The following CCDC88A variants were observed in gnomAD, a reference collection of about 807,000 sequenced individuals.
CCDC88A encodes the protein coiled-coil and HOOK domain protein 88A.
Under a neutral mutation model 234.3 loss-of-function variants are expected in CCDC88A, and 54 were observed. The ratio of observed to expected loss-of-function variants is 0.23; its 90% CI spans 0.19 to 0.29. The LOEUF (loss-of-function observed/expected upper bound fraction) is 0.29. Ranked by LOEUF, CCDC88A falls within the 10% of genes least tolerant of loss-of-function variation. The pLI, the probability that CCDC88A is intolerant of heterozygous loss-of-function variation, is 1.00. For synonymous variants in CCDC88A, 753 were observed against 737.8 expected, an observed-to-expected ratio of 1.02 and a Z score of -0.33; for missense variants, 1,832 against 2,123.4, an observed-to-expected ratio of 0.86 and a Z score of 2.70.
chr2:55,413,171 G>A (rs891080101), intron 2 of CCDC88A, among the ~76,000 whole-genome samples: 1 of 152,154 alleles, frequency 6.6e-6, no homozygotes, highest in Non-Finnish European at 1.5e-5. Context: ...TTGTGCCACT[G>A]CAGTCCAGCC....
At chr2:55,331,183 G>A (rs1252566786) in intron 16 of CCDC88A, among the ~76,000 whole-genome samples, 3 of 152,222 alleles carry the variant, frequency 2.0e-5, no homozygotes, top group South Asian at 2.1e-4. Flanking sequence ...ACATATAGTA[G>A]GTAATAAATC....
intron 29 of CCDC88A, 75 bp downstream of exon 29, chr2:55,299,763 AG>A: frequency 1.1e-6 from 1 of 937,992 alleles, no homozygotes; most frequent in Non-Finnish European, 1.7e-6. Flanking sequence ...GCTTTACCCC[AG>A]AAACTTCATC....
chr2:55,371,750 T>C (rs1384205353), intron 5 of CCDC88A, among the ~76,000 whole-genome samples: 3 of 151,094 alleles, frequency 2.0e-5, no homozygotes, highest in Non-Finnish European at 4.4e-5. Context: ...CCTCTCAAAG[T>C]GTTGGGATTA....
Position 55,295,690 on chromosome 2 carries a change from T to C in CCDC88A, c.5458A>G (p.Ser1820Gly). The C allele has an allele frequency of 6.2e-7, 1 of 1,614,234 alleles. No homozygotes were observed. The highest frequency in any genetic ancestry group is 2.2e-5 in the East Asian group (1 of 44,890). The change falls in exon 31 of 33, where the codon AGC becomes GGC. Residue 1820 changes from serine (S) to glycine (G), a missense_variant. By Grantham distance (56) the Ser-to-Gly change is moderately conservative. This residue lies in a region of CCDC88A where 422 missense variants were observed against 416.5 expected (regional missense o/e 1.01). Transcript: ENST00000436346. ...TCCTTGGTCAAAAAATCATGGATGC[T>C]TGTCCTTCGTGTAGTTCCTTCGGCA... Reference protein sequence around the residue: ...STAEGTTRRTSIHDFLTKDSR... With the variant: ...STAEGTTRRTGIHDFLTKDSR...
intron 9 of CCDC88A, among the ~76,000 whole-genome samples, chr2:55,347,894 A>G (rs1408350567): frequency 1.3e-5 from 2 of 151,140 alleles, no homozygotes; most frequent in Non-Finnish European, 3.0e-5. Context: ...TTACATGTAT[A>G]AGCCACCATG....
At position 55,339,538 on chromosome 2, in the gene CCDC88A, T is replaced by C. The variant is rs761981508; in HGVS notation, c.1444A>G (p.Thr482Ala). 20 of 1,613,636 alleles carry C rather than the reference T, an allele frequency of 1.2e-5. No individual in the cohort carries two copies. Among genetic ancestry groups the C allele is most frequent in the Non-Finnish European group, 1.7e-5 (20 of 1,179,852 alleles). ...GCATTGCCTTCTACAGAATCCACAGTAGTCCGAAGCTCTTCTACGGTTTTT... is the reference window on the plus strand; with the variant it reads ...GCATTGCCTTCTACAGAATCCACAGCAGTCCGAAGCTCTTCTACGGTTTTT... ...LTKTVEELRT[T>A]VDSVEGNASK... Residue 482 changes from threonine to alanine, a missense_variant, in exon 13 of 33, where the codon ACT becomes GCT. This residue lies in a region of CCDC88A where 1,282 missense variants were observed against 1,543.6 expected (regional missense o/e 0.83). Transcript: ENST00000436346.
At chr2:55,409,500 T>G (rs1172056263) in intron 2 of CCDC88A, among the ~76,000 whole-genome samples, 2 of 152,190 alleles carry the variant, frequency 1.3e-5, no homozygotes, top group Non-Finnish European at 2.9e-5. Flanking sequence ...TCCCCCTTAT[T>G]GTGGGCAAAG....
chr2:55,399,352 C>T (rs1311748625), intron 2 of CCDC88A, among the ~76,000 whole-genome samples: 1 of 151,700 alleles, frequency 6.6e-6, no homozygotes, highest in African/African-American at 2.4e-5. Flanking sequence ...TGGTGAAACC[C>T]CGTCTCTACT....
intron 2 of CCDC88A, among the ~76,000 whole-genome samples, chr2:55,408,341 C>T (rs4672034): frequency 0.81 from 123,784 of 152,032 alleles, 51,352 homozygotes; most frequent in Admixed American, 0.91. Context: ...AACTCCATCT[C>T]GAATAGGGGC....
intron 2 of CCDC88A, among the ~76,000 whole-genome samples, chr2:55,407,369 C>G (rs1041427380): frequency 2.0e-5 from 3 of 151,984 alleles, no homozygotes; most frequent in Non-Finnish European, 4.4e-5. Flanking sequence ...CTTTGGGAGA[C>G]TGAGGCAGGT....
intron 3 of CCDC88A, among the ~76,000 whole-genome samples, chr2:55,387,568 G>A (rs1286218970): frequency 2.0e-5 from 3 of 151,824 alleles, no homozygotes; most frequent in East Asian, 1.9e-4. Context: ...GATCACTTGC[G>A]GTCAGGAGTT....
intron 2 of CCDC88A, 71 bp downstream of exon 2, chr2:55,418,745 A>G: frequency 8.2e-7 from 1 of 1,225,770 alleles, no homozygotes; most frequent in Non-Finnish European, 1.2e-6. Context: ...GGCTTAAAAC[A>G]TCGTGTCTCA....
intron 25 of CCDC88A, among the ~76,000 whole-genome samples, chr2:55,304,793 T>G (rs1321132042): frequency 6.6e-6 from 1 of 152,210 alleles, no homozygotes; most frequent in Non-Finnish European, 1.5e-5. Flanking sequence ...AATTATTGTA[T>G]CTTTTTAGAA....
At chr2:55,347,100 A>G (rs558748123) in intron 9 of CCDC88A, among the ~76,000 whole-genome samples, 2 of 152,324 alleles carry the variant, frequency 1.3e-5, no homozygotes, top group East Asian at 3.9e-4. Context: ...ATCATTAATT[A>G]CTGTATAGAA....
intron 2 of CCDC88A, 147 bp downstream of exon 2, chr2:55,418,669 T>C (rs1295694294): frequency 7.7e-6 from 5 of 650,698 alleles, no homozygotes; most frequent in African/African-American, 5.5e-5. Flanking sequence ...CCCATAACAT[T>C]AGCATTCCTT....
chr2:55,308,864 TGAA>T lies in CCDC88A; in HGVS notation c.4329_4331del (p.Ser1444del), dbSNP rs766882909. 6.2e-7 allele frequency: 1 copy of T among 1,614,146 alleles called. No individual in the cohort carries two copies. On this transcript the variant is annotated inframe_deletion, in exon 25 of 33. Transcript: ENST00000436346. ...CATCTTCTAAAGAGTTTGAACCTAC[TGAA>T]GAACTATCTTGACTGTCTTGATGAG...
chr2:55,292,687 AC>A (rs1679564026), intron 31 of CCDC88A: 1 of 152,166 alleles, frequency 6.6e-6, no homozygotes, highest in African/African-American at 2.4e-5. Context: ...ATGGTGAAAC[AC>A]CGTCTCTACT....
At chr2:55,295,397 C>T in intron 31 of CCDC88A, 200 bp downstream of exon 31, 1 of 1,546,272 alleles carries the variant, frequency 6.5e-7, no homozygotes, top group African/African-American at 1.4e-5. Context: ...CTTTTGCCAA[C>T]ATTCCGAATG....
At chr2:55,402,317 A>G (rs2104948010) in intron 2 of CCDC88A, among the ~76,000 whole-genome samples, 1 of 152,336 alleles carries the variant, frequency 6.6e-6, no homozygotes, top group East Asian at 1.9e-4. Flanking sequence ...AATAGAATAC[A>G]GCTGTTTTCT....
Sources: allele counts gnomAD v4.1 joint callset (sites outside exome capture counted in the v4.1 genomes callset), GRCh38; gene constraint gnomAD v4.1.1; regional missense constraint gnomAD v4.1.1; transcripts MANE v1.5; gene names NCBI Gene and HGNC (gene_info 2026-07-23, HGNC 2026-07-21).